LYPLAL1: variants seen among roughly 807,000 people sequenced by gnomAD.
LYPLAL1 encodes the protein lysophospholipase like 1.
Under a neutral mutation model 19.7 loss-of-function variants are expected in LYPLAL1, and 23 were observed. The observed-to-expected ratio is 1.17, with a 90% confidence interval of 0.84 to 1.65. The LOEUF (loss-of-function observed/expected upper bound fraction) is 1.65, where lower values mean the gene tolerates loss of function less well. Ranked by LOEUF, LYPLAL1 falls within the 40% of genes most tolerant of loss-of-function variation. LYPLAL1 has a pLI of 0.00. For synonymous variants in LYPLAL1, 119 were observed against 96.3 expected, an observed-to-expected ratio of 1.24 and a Z score of -1.38; for missense variants, 355 against 279.4, an observed-to-expected ratio of 1.27 and a Z score of -1.93.
the LYPLAL1 span, among the ~76,000 whole-genome samples, chr1:219,365,609 C>G: frequency 6.6e-6 from 1 of 152,098 alleles, no homozygotes. Flanking sequence ...AAGTTTAGAC[C>G]TGGGAATGGT....
At chr1:219,351,592 A>G in the LYPLAL1 span, among the ~76,000 whole-genome samples, 2 of 152,128 alleles carry the variant, frequency 1.3e-5, no homozygotes, top group East Asian at 1.9e-4. Context: ...TATCCATTTC[A>G]TTGATGGCGA....
chr1:219,295,524 A>G, the LYPLAL1 span, among the ~76,000 whole-genome samples: 1 of 152,142 alleles, frequency 6.6e-6, no homozygotes, highest in South Asian at 2.1e-4. Flanking sequence ...GAGACCTTTT[A>G]TTTTAAGCAA....
chr1:219,212,997 C>T (rs1248766570), downstream of LYPLAL1: 1 of 152,086 alleles, frequency 6.6e-6, no homozygotes, highest in Non-Finnish European at 1.5e-5. Flanking sequence ...TGCCATTTTA[C>T]ATTCTAGCAG....
intron 1 of LYPLAL1, among the ~76,000 whole-genome samples, chr1:219,178,718 G>T (rs1656017888): frequency 6.6e-6 from 1 of 151,750 alleles, no homozygotes; most frequent in Non-Finnish European, 1.5e-5. Context: ...AAGAAAATTA[G>T]GTTCTTCTAA....
At chr1:219,275,412 A>G in the LYPLAL1 span, among the ~76,000 whole-genome samples, 3 of 152,192 alleles carry the variant, frequency 2.0e-5, no homozygotes, top group East Asian at 3.9e-4. Context: ...ATGATGATTA[A>G]CTAAATGCAC....
At chr1:219,332,360 G>A in the LYPLAL1 span, among the ~76,000 whole-genome samples, 2 of 152,184 alleles carry the variant, frequency 1.3e-5, no homozygotes, top group Non-Finnish European at 2.9e-5. Flanking sequence ...TGAGTTGCCA[G>A]ATATATGAGT....
At chr1:219,186,164 T>C (rs892875709) in intron 2 of LYPLAL1, among the ~76,000 whole-genome samples, 5 of 151,880 alleles carry the variant, frequency 3.3e-5, no homozygotes, top group African/African-American at 1.2e-4. Context: ...GATATTCTTA[T>C]TACTGTTGAT....
the LYPLAL1 span, among the ~76,000 whole-genome samples, chr1:219,359,278 C>CAGCAGTG: frequency 1.3e-5 from 2 of 152,302 alleles, no homozygotes; most frequent in Non-Finnish European, 2.9e-5. Flanking sequence ...GCAAATACCT[C>CAGCAGTG]CAGGATCACT....
At chr1:219,377,256 T>C in the LYPLAL1 span, among the ~76,000 whole-genome samples, 1 of 152,182 alleles carries the variant, frequency 6.6e-6, no homozygotes, top group South Asian at 2.1e-4. Context: ...TACTGTATGG[T>C]TTCACTTATA....
intron 3 of LYPLAL1, chr1:219,200,411 C>T: frequency 5.5e-6 from 1 of 183,124 alleles, no homozygotes; most frequent in Admixed American, 5.2e-5. Context: ...TAGCACATTT[C>T]AGGATGGTTT....
At chr1:219,395,129 G>A in the LYPLAL1 span, among the ~76,000 whole-genome samples, 62 of 152,206 alleles carry the variant, frequency 4.1e-4, no homozygotes, top group African/African-American at 1.4e-3. Flanking sequence ...TAGTCCTTTG[G>A]GTATATACCC....
the LYPLAL1 span, among the ~76,000 whole-genome samples, chr1:219,401,647 C>G: frequency 1.3e-5 from 2 of 152,000 alleles, no homozygotes; most frequent in African/African-American, 4.8e-5. Context: ...GCTTTTCAAA[C>G]TCTTTTGGAA....
At chr1:219,394,467 C>T in the LYPLAL1 span, among the ~76,000 whole-genome samples, 217 of 152,240 alleles carry the variant, frequency 1.4e-3, no homozygotes, top group African/African-American at 4.1e-3. Context: ...ACTTGTGTAC[C>T]CATTAAACCA....
At chr1:219,198,551 A>C (rs772973830) in intron 3 of LYPLAL1, 1 of 152,262 alleles carries the variant, frequency 6.6e-6, no homozygotes, top group Admixed American at 6.5e-5. Context: ...AATAAATTTA[A>C]CATTCACTTA....
At chr1:219,372,914 A>C in the LYPLAL1 span, among the ~76,000 whole-genome samples, 2 of 152,184 alleles carry the variant, frequency 1.3e-5, no homozygotes, top group Non-Finnish European at 2.9e-5. Flanking sequence ...AAAAAAAAAA[A>C]TAAATAAATT....
the LYPLAL1 span, among the ~76,000 whole-genome samples, chr1:219,424,924 T>G: frequency 6.6e-6 from 1 of 152,182 alleles, no homozygotes; most frequent in Non-Finnish European, 1.5e-5. Context: ...TTGTTGTGGG[T>G]ATTCTTATAA....
At chr1:219,326,535 C>T in the LYPLAL1 span, among the ~76,000 whole-genome samples, 4 of 152,140 alleles carry the variant, frequency 2.6e-5, no homozygotes, top group Admixed American at 2.0e-4. Flanking sequence ...CCCCAATTCC[C>T]TTCTGGGATT....
At chr1:219,261,807 C>G in the LYPLAL1 span, among the ~76,000 whole-genome samples, 1 of 152,214 alleles carries the variant, frequency 6.6e-6, no homozygotes, top group East Asian at 1.9e-4. Flanking sequence ...CCTTATGTAA[C>G]CTGATGATTA....
chr1:219,267,216 A>G, the LYPLAL1 span, among the ~76,000 whole-genome samples: 2 of 152,150 alleles, frequency 1.3e-5, no homozygotes, highest in South Asian at 4.1e-4. Flanking sequence ...GCCAGAGAAC[A>G]CATGGTCATT....
Sources: allele counts gnomAD v4.1 joint callset (sites outside exome capture counted in the v4.1 genomes callset), GRCh38; gene constraint gnomAD v4.1.1; transcripts MANE v1.5; gene names NCBI Gene and HGNC (gene_info 2026-07-23, HGNC 2026-07-21).